Variants in CAST observed in about 807,000 individuals in gnomAD.
CAST encodes calpastatin.
In CAST, 76 loss-of-function variants were observed where a neutral mutation model predicts 119.6. That is an observed-to-expected ratio of 0.64 (90% CI 0.53 to 0.77). The LOEUF (loss-of-function observed/expected upper bound fraction) is 0.77. Among genes scored for constraint, CAST ranks in the 30% least tolerant of loss-of-function variants. The pLI, the probability that CAST is intolerant of heterozygous loss-of-function variation, is 0.00. For missense variants in CAST, 953 were observed against 946.5 expected, an observed-to-expected ratio of 1.01 and a Z score of -0.09; for synonymous variants, 319 against 331.6, an observed-to-expected ratio of 0.96 and a Z score of 0.41.
the CAST span, among the ~76,000 whole-genome samples, chr5:96,022,230 C>T: frequency 6.6e-6 from 1 of 152,126 alleles, no homozygotes; most frequent in South Asian, 2.1e-4. Flanking sequence ...GACAACTGTA[C>T]ATTTATACCT....
At chr5:96,295,023 C>A in the CAST span, among the ~76,000 whole-genome samples, 3 of 152,186 alleles carry the variant, frequency 2.0e-5, no homozygotes, top group Non-Finnish European at 4.4e-5. Flanking sequence ...TTGTGTTTCT[C>A]TATCTGTGGA....
intron 1 of CAST, among the ~76,000 whole-genome samples, chr5:96,622,388 TCTC>T (rs1020988360): frequency 5.9e-5 from 9 of 152,226 alleles, no homozygotes; most frequent in East Asian, 5.8e-4. Context: ...AAAAACATAT[TCTC>T]CTCTGGGTGA....
chr5:96,380,783 A>G, the CAST span, among the ~76,000 whole-genome samples: 2 of 152,212 alleles, frequency 1.3e-5, no homozygotes, highest in South Asian at 2.1e-4. Flanking sequence ...GTATGATGAA[A>G]TGTGTCAATA....
the CAST span, among the ~76,000 whole-genome samples, chr5:96,153,377 C>T: frequency 2.0e-4 from 30 of 152,170 alleles, no homozygotes; most frequent in African/African-American, 6.5e-4. Context: ...TCTGTCCCAA[C>T]GCACTCAGGT....
At chr5:96,061,213 C>CT in the CAST span, among the ~76,000 whole-genome samples, 1 of 152,018 alleles carries the variant, frequency 6.6e-6, no homozygotes. Context: ...TAGGACATGC[C>CT]TTCTGTAGCA....
rs1751763112 is a variant in CAST, at chr5:96,684,076, G to T, written c.138+8475G>T. Among the ~76,000 whole-genome samples, 3 of 152,284 alleles carry T rather than the reference G, an allele frequency of 2.0e-5. No individual in the cohort carries two copies. The South Asian group carries it at 6.2e-4, about 32-fold the overall frequency. On this transcript the variant is annotated intron_variant, in intron 2 of 31. Transcript: ENST00000675179. ...CTGAGTGTAGGGTTTAGGGTCCAAT[G>T]CCTGGATTTAATTCCCAGCTCTGCT...
the CAST span, among the ~76,000 whole-genome samples, chr5:96,146,991 C>G: frequency 6.6e-6 from 1 of 152,136 alleles, no homozygotes; most frequent in African/African-American, 2.4e-5. Context: ...ATCTTAAGTG[C>G]AAAGGAAGCT....
At chr5:96,189,331 T>C in the CAST span, among the ~76,000 whole-genome samples, 1 of 152,222 alleles carries the variant, frequency 6.6e-6, no homozygotes, top group Non-Finnish European at 1.5e-5. Context: ...ATTATTTTGC[T>C]TGTCCTCAGA....
At chr5:96,283,288 T>A in the CAST span, among the ~76,000 whole-genome samples, 1 of 152,134 alleles carries the variant, frequency 6.6e-6, no homozygotes, top group Non-Finnish European at 1.5e-5. Flanking sequence ...TTGATTGAGG[T>A]TTATGTAGGC....
chr5:96,535,098 A>G (rs964062905), intron 1 of CAST, among the ~76,000 whole-genome samples: 1 of 152,208 alleles, frequency 6.6e-6, no homozygotes, highest in Non-Finnish European at 1.5e-5. Context: ...AACAAATGGC[A>G]TATAGTATCA....
chr5:96,160,622 AC>A, the CAST span, among the ~76,000 whole-genome samples: 2 of 152,154 alleles, frequency 1.3e-5, no homozygotes, highest in African/African-American at 4.8e-5. Context: ...CTGGGCATTT[AC>A]CTAGGAGTGG....
At chr5:96,061,238 A>T in the CAST span, among the ~76,000 whole-genome samples, 1 of 152,052 alleles carries the variant, frequency 6.6e-6, no homozygotes, top group Non-Finnish European at 1.5e-5. Context: ...ATTATACACC[A>T]TTCAATAAAC....
the CAST span, among the ~76,000 whole-genome samples, chr5:96,219,994 C>T: frequency 6.6e-6 from 1 of 152,052 alleles, no homozygotes; most frequent in East Asian, 1.9e-4. Context: ...TGTATGTTGC[C>T]CAATGAACAG....
At chr5:96,407,051 T>C in the CAST span, among the ~76,000 whole-genome samples, 1 of 152,278 alleles carries the variant, frequency 6.6e-6, no homozygotes, top group South Asian at 2.1e-4. Flanking sequence ...CAGAGGGATT[T>C]AGAATTTAAA....
At chr5:96,216,239 A>C in the CAST span, among the ~76,000 whole-genome samples, 2 of 152,222 alleles carry the variant, frequency 1.3e-5, no homozygotes, top group African/African-American at 2.4e-5. Flanking sequence ...GTAGGCTATT[A>C]GCAGTTAAGT....
the CAST span, among the ~76,000 whole-genome samples, chr5:96,023,326 C>A: frequency 6.6e-6 from 1 of 152,114 alleles, no homozygotes; most frequent in Non-Finnish European, 1.5e-5. Context: ...GGGTGAAAGG[C>A]ACTAATTTTT....
chr5:96,102,007 C>G, the CAST span, among the ~76,000 whole-genome samples: 2 of 152,084 alleles, frequency 1.3e-5, no homozygotes, highest in Admixed American at 1.3e-4. Context: ...ACCCTGGAAG[C>G]CTGAGGGGGT....
chr5:96,702,935 G>T, intron 3 of CAST: 1 of 985,598 alleles, frequency 1.0e-6, no homozygotes, highest in Non-Finnish European at 1.2e-6. Context: ...GTCTTCCGCC[G>T]CTTTGCTCCA....
At chr5:96,727,248 G>A (rs978807796) in intron 5 of CAST, among the ~76,000 whole-genome samples, 1 of 152,172 alleles carries the variant, frequency 6.6e-6, no homozygotes, top group Non-Finnish European at 1.5e-5. Context: ...TACCTAGCAA[G>A]GAGATATAAA....
Sources: allele counts gnomAD v4.1 joint callset (sites outside exome capture counted in the v4.1 genomes callset), GRCh38; gene constraint gnomAD v4.1.1; transcripts MANE v1.5; gene names NCBI Gene and HGNC (gene_info 2026-07-23, HGNC 2026-07-21).